Variants in CROT observed in about 807,000 individuals in gnomAD.
CROT encodes the protein peroxisomal carnitine O-octanoyltransferase.
Under a neutral mutation model 89.2 loss-of-function variants are expected in CROT, and 84 were observed. The ratio of observed to expected loss-of-function variants is 0.94; its 90% CI spans 0.79 to 1.13. The LOEUF is 1.13. Among genes scored for constraint, CROT ranks in the 50% most tolerant of loss-of-function variants. CROT has a pLI of 0.00. For missense variants in CROT, 711 were observed against 727.8 expected, an observed-to-expected ratio of 0.98 and a Z score of 0.27; for synonymous variants, 212 against 239.5, an observed-to-expected ratio of 0.89 and a Z score of 1.06.
At chr7:87,367,715 CCTCT>C (rs1806489417) in intron 6 of CROT, among the ~76,000 whole-genome samples, 2 of 152,074 alleles carry the variant, frequency 1.3e-5, no homozygotes, top group East Asian at 3.9e-4. Flanking sequence ...TTTGCATTAT[CCTCT>C]CTCTCTGCTG....
rs565459076 is a variant in CROT at position 87,370,330 on chromosome 7, G to A, written c.656+846G>A. ...CCCAAGTAGCTAGGATTATAGGTGC[G>A]CACCACCATGGCCAGCTAATTATTG... On this transcript the variant is annotated intron_variant, in intron 7 of 17. Coordinates refer to ENST00000331536, the MANE Select transcript of CROT (RefSeq NM_021151.4). Among the ~76,000 whole-genome samples, 20 of 152,056 alleles carry A rather than the reference G, an allele frequency of 1.3e-4. No individual in the cohort carries two copies. In the South Asian group the frequency reaches 1.9e-3, roughly 14 times the overall value.
chr7:87,357,441 G>C (rs1323170232), intron 3 of CROT: 19 of 1,549,344 alleles, frequency 1.2e-5, no homozygotes, highest in Admixed American at 3.9e-5. Context: ...TATCAGAGGT[G>C]GCCAATTAGT....
At chr7:87,362,266 T>A (rs1806302689) in intron 6 of CROT, among the ~76,000 whole-genome samples, 1 of 151,484 alleles carries the variant, frequency 6.6e-6, no homozygotes, top group Non-Finnish European at 1.5e-5. Flanking sequence ...TGCTTGTCCC[T>A]CCACCTTATA....
At chr7:87,363,396 C>G (rs554402772) in intron 6 of CROT, among the ~76,000 whole-genome samples, 1 of 152,268 alleles carries the variant, frequency 6.6e-6, no homozygotes, top group African/African-American at 2.4e-5. Context: ...TCAGGGAAGG[C>G]CTCTCCAAGG....
chr7:87,373,745 A>G (rs1180614938), intron 7 of CROT, among the ~76,000 whole-genome samples: 1 of 152,020 alleles, frequency 6.6e-6, no homozygotes, highest in East Asian at 1.9e-4. Context: ...AGTAGACGAG[A>G]TTACCAAGGG....
intron 3 of CROT, among the ~76,000 whole-genome samples, chr7:87,358,467 G>A (rs1323254871): frequency 8.0e-6 from 1 of 124,814 alleles, no homozygotes; most frequent in East Asian, 2.3e-4. Context: ...GGGCGACAGA[G>A]CGAGACTCCA....
Position 87,375,934 on chromosome 7 carries a change from C to G in CROT, c.857C>G (p.Thr286Arg), listed in dbSNP as rs1466009071. The G allele has an allele frequency of 6.2e-7, 1 of 1,608,536 alleles. No homozygotes were observed. The highest frequency in any genetic ancestry group is 8.5e-7 in the Non-Finnish European group (1 of 1,178,000). The stretch of plus-strand genomic sequence containing the variant: ...ATGGAGGATAGCAGTCCACATGTAA[C>G]ACCAGAGGATTATTCTGAGGTACTT... ...YSMEDSSPHV[T>R]PEDYSEIIAA... The change falls in exon 9 of 18, where the codon ACA (threonine) becomes AGA (arginine). Residue 286 changes from threonine (T) to arginine (R), a missense_variant. Physicochemically the swap from Thr to Arg is moderately conservative, Grantham distance 71. Transcript: ENST00000331536.
chr7:87,392,500 T>C, intron 14 of CROT, 66 bp from the exon 15 acceptor site: 2 of 1,263,544 alleles, frequency 1.6e-6, no homozygotes, highest in East Asian at 4.6e-5. Flanking sequence ...ACAATGAGCT[T>C]AGGATTTTTT....
In CROT at chr7:87,385,724, A is replaced by C. The variant is rs559860026; in HGVS notation, c.1301+3181A>C. Among the ~76,000 whole-genome samples the C allele has an allele frequency of 7.9e-5, 12 of 152,316 alleles. No individual in the cohort carries two copies. The South Asian group carries it at 2.5e-3, about 32-fold the overall frequency. On this transcript the variant is annotated intron_variant, in intron 13 of 17. Transcript: ENST00000331536. ...GACTTCCAATACTATGTTGCATAAA[A>C]GTGGTGAAAGTAGGCATCTTTGTCA... is the stretch of plus-strand genomic sequence containing the variant.
At chr7:87,392,270 A>G (rs1807385584) in intron 14 of CROT, among the ~76,000 whole-genome samples, 1 of 152,120 alleles carries the variant, frequency 6.6e-6, no homozygotes, top group Non-Finnish European at 1.5e-5. Context: ...ATTTTTAGTT[A>G]TGCTTTCATT....
chr7:87,378,503 A>T (rs1161215126), intron 10 of CROT, among the ~76,000 whole-genome samples: 2 of 152,206 alleles, frequency 1.3e-5, no homozygotes, highest in Non-Finnish European at 2.9e-5. Context: ...AAATGCTTTC[A>T]TTAGAAATCT....
intron 5 of CROT, 66 bp from the exon 6 acceptor site, chr7:87,361,662 C>T (rs1379263322): frequency 1.3e-6 from 2 of 1,531,588 alleles, no homozygotes; most frequent in Admixed American, 4.3e-5. Flanking sequence ...TGGGGATGAA[C>T]ACTTCAGTTG....
chr7:87,352,101 A>T (rs1391611132), intron 3 of CROT, among the ~76,000 whole-genome samples: 1 of 152,242 alleles, frequency 6.6e-6, no homozygotes, highest in Non-Finnish European at 1.5e-5. Flanking sequence ...ATGGCAAGTC[A>T]TGTCCAATCT....
chr7:87,393,751 C>A (rs1267474061), intron 17 of CROT, among the ~76,000 whole-genome samples: 1 of 152,140 alleles, frequency 6.6e-6, no homozygotes, highest in Non-Finnish European at 1.5e-5. Context: ...GGAGGCACTT[C>A]AGATAGAATG....
At chr7:87,382,038 A>G in intron 11 of CROT, 36 bp from the exon 12 acceptor site, 1 of 1,572,692 alleles carries the variant, frequency 6.4e-7, no homozygotes, top group Non-Finnish European at 8.7e-7. Flanking sequence ...TAATAGTTCT[A>G]TAGATAAAAT....
chr7:87,388,966 G>A (rs1807270776), intron 13 of CROT, among the ~76,000 whole-genome samples: 2 of 152,078 alleles, frequency 1.3e-5, no homozygotes, highest in African/African-American at 2.4e-5. Flanking sequence ...GGCAAAAGAT[G>A]TGAACAGACA....
chr7:87,381,793 T>A (rs993104362), intron 10 of CROT, 117 bp from the exon 11 acceptor site: 24 of 628,456 alleles, frequency 3.8e-5, no homozygotes, highest in South Asian at 1.4e-4. Flanking sequence ...AGGTGAGGCA[T>A]TTGAAGACTC....
At chr7:87,371,544 G>C (rs1562933001) in intron 7 of CROT, among the ~76,000 whole-genome samples, 1 of 152,146 alleles carries the variant, frequency 6.6e-6, no homozygotes, top group Non-Finnish European at 1.5e-5. Context: ...TTTGATATTA[G>C]AAGTGAAATG....
chr7:87,357,333 T>G (rs568737961), intron 3 of CROT, among the ~76,000 whole-genome samples: 1 of 152,158 alleles, frequency 6.6e-6, no homozygotes, highest in East Asian at 1.9e-4. Context: ...TCTCACCCCA[T>G]TGGGCTGGGA....
Sources: allele counts gnomAD v4.1 joint callset (sites outside exome capture counted in the v4.1 genomes callset), GRCh38; gene constraint gnomAD v4.1.1; transcripts MANE v1.5; gene names NCBI Gene and HGNC (gene_info 2026-07-23, HGNC 2026-07-21).